TFF2: variants seen among roughly 807,000 people sequenced by gnomAD.
TFF2 encodes the protein trefoil factor 2.
In TFF2, 19 loss-of-function variants were observed where a neutral mutation model predicts 16.0. That is an observed-to-expected ratio of 1.19 (90% confidence interval 0.83 to 1.74). TFF2 has a LOEUF of 1.74. Among genes scored for constraint, TFF2 ranks in the 40% most tolerant of loss-of-function variants. The pLI, the probability that TFF2 is intolerant of heterozygous loss-of-function variation, is 0.00. For synonymous variants in TFF2, 61 were observed against 65.4 expected, an observed-to-expected ratio of 0.93 and a Z score of 0.32; for missense variants, 168 against 166.8, an observed-to-expected ratio of 1.01 and a Z score of -0.04.
chr21:42,348,286 C>T (rs1338982019), intron 2 of TFF2, among the ~76,000 whole-genome samples: 2 of 152,178 alleles, frequency 1.3e-5, no homozygotes, highest in African/African-American at 4.8e-5. Flanking sequence ...ACATAAAACT[C>T]ACTCCCAAAG....
rs755546511 is a variant in TFF2, at chr21:42,347,680, C to A, written c.230-48G>T. 1.9e-6 allele frequency: 3 copies of A among 1,598,284 alleles called. No individual in the cohort carries two copies. In the South Asian group the frequency reaches 3.3e-5, roughly 18 times the overall value. On this transcript the variant is annotated intron_variant, in intron 2 of 3. Coordinates refer to ENST00000291526, the MANE Select transcript of TFF2 (RefSeq NM_005423.5). The stretch of plus-strand genomic sequence containing the variant: ...CCGAGACCCAGTCAGGCCTGCTGTG[C>A]CCTGGAAAGCTCCACCCCTTCCTCC...
intron 2 of TFF2, among the ~76,000 whole-genome samples, chr21:42,348,444 T>C (rs1199920425): frequency 6.6e-6 from 1 of 152,028 alleles, no homozygotes; most frequent in Non-Finnish European, 1.5e-5. Flanking sequence ...TATATATATA[T>C]ATATTTTTTT....
At chr21:42,347,074 G>C (rs773315574) in intron 3 of TFF2, among the ~76,000 whole-genome samples, 4 of 152,220 alleles carry the variant, frequency 2.6e-5, no homozygotes, top group Non-Finnish European at 4.4e-5. Flanking sequence ...TCATGTGGGG[G>C]AGAACGGGGA....
chr21:42,349,012 C>T (rs879574552), intron 2 of TFF2, among the ~76,000 whole-genome samples: 49 of 151,568 alleles, frequency 3.2e-4, no homozygotes, highest in Non-Finnish European at 4.3e-4. Flanking sequence ...GGGCTAGCTC[C>T]AGACTAACAA....
chr21:42,349,899 G>T lies in TFF2; in HGVS notation c.211C>A (p.His71Asn). The change falls in exon 2 of 4, where the codon CAC (histidine) becomes AAC (asparagine). Residue 71 changes from histidine to asparagine, a missense_variant. His to Asn is a moderately conservative substitution (Grantham distance 68, BLOSUM62 1). Coordinates refer to ENST00000291526, the MANE Select transcript of TFF2 (RefSeq NM_005423.5). ...SSVTGVPWCF[H>N]PLPKQESDQC... is the part of the protein sequence containing the mutation. ...AGATTACCTTGCTTTGGGAGGGGGT[G>T]GAAACACCAGGGGACCCCAGTGACA... is the stretch of plus-strand genomic sequence containing the variant. The T allele has an allele frequency of 6.3e-7, 1 of 1,598,536 alleles. No homozygotes were observed. The highest frequency in any genetic ancestry group is 1.1e-5 in the South Asian group (1 of 88,236).
rs2052112603 is a variant in TFF2 at position 42,350,934 on chromosome 21, G to A, written c.24C>T (p.Leu8=). 1 of 1,613,928 alleles carries A rather than the reference G, an allele frequency of 6.2e-7. No individual in the cohort carries two copies. Among genetic ancestry groups the A allele is most frequent in the Non-Finnish European group, 8.5e-7 (1 of 1,179,934 alleles). Residue 8 remains leucine (L), a synonymous_variant, in exon 1 of 4, where the codon CTC becomes CTT. Transcript: ENST00000291526. Reference sequence around the variant, plus strand: ...GCCCCAGGACGAGGAGCGCTGCCAGGAGCTGGGCGTCTCGCCGTCCCATGT... The same window carrying A: ...GCCCCAGGACGAGGAGCGCTGCCAGAAGCTGGGCGTCTCGCCGTCCCATGT... MGRRDAQ[L]LAALLVLGLC... is the part of the protein sequence containing the mutation.
chr21:42,347,467 A>T lies in TFF2; in HGVS notation c.376+19T>A. ...CATGGTGTCCGGGAACCAGACAGAG[A>T]GTCCCACAGCGACGTTACCTTCCAC... is the stretch of plus-strand genomic sequence containing the variant. On this transcript the variant is annotated intron_variant, in intron 3 of 3. Coordinates refer to ENST00000291526, the MANE Select transcript of TFF2 (RefSeq NM_005423.5). The T allele has an allele frequency of 6.2e-7, 1 of 1,613,966 alleles. No homozygotes were observed. Among genetic ancestry groups the T allele is most frequent in the African/African-American group, 1.3e-5 (1 of 75,030 alleles).
Position 42,349,925 on chromosome 21 carries a change from C to A in TFF2, c.185G>T (p.Ser62Ile). Reference sequence around the variant, plus strand: ...GAAACACCAGGGGACCCCAGTGACACTGGAGTCGAAACAGCATCCATTGTC... The same window carrying A: ...GAAACACCAGGGGACCCCAGTGACAATGGAGTCGAAACAGCATCCATTGTC... ...CFDNGCCFDS[S>I]VTGVPWCFHP... is the part of the protein sequence containing the mutation. The change falls in exon 2 of 4, where the codon AGT becomes ATT. Residue 62 changes from serine (S) to isoleucine (I), a missense_variant. Physicochemically the swap from Ser to Ile is moderately radical, Grantham distance 142. Coordinates refer to ENST00000291526, the MANE Select transcript of TFF2 (RefSeq NM_005423.5). 6.2e-7 allele frequency: 1 copy of A among 1,601,102 alleles called. No individual in the cohort carries two copies.
chr21:42,350,836 A>C, intron 1 of TFF2, 43 bp downstream of exon 1: 1 of 1,531,030 alleles, frequency 6.5e-7, no homozygotes, highest in African/African-American at 1.4e-5. Context: ...TTTCTTTAAG[A>C]GAAATAAAGA....
In TFF2 at chr21:42,349,880, C is replaced by G. The variant is rs779730030; in HGVS notation, c.229+1G>C. 6.3e-7 allele frequency: 1 copy of G among 1,592,312 alleles called. No individual in the cohort carries two copies. Among genetic ancestry groups the G allele is most frequent in the Admixed American group, 1.8e-5 (1 of 57,128 alleles). Reference sequence around the variant, plus strand: ...CCCAGGAAGATTCCCTGGAAGATTACCTTGCTTTGGGAGGGGGTGGAAACA... The same window carrying G: ...CCCAGGAAGATTCCCTGGAAGATTAGCTTGCTTTGGGAGGGGGTGGAAACA... On this transcript the variant is annotated splice_donor_variant, in intron 2 of 3. Transcript: ENST00000291526. LOFTEE classifies it high-confidence loss of function.
chr21:42,347,273 G>A (rs2052075967), intron 3 of TFF2, among the ~76,000 whole-genome samples: 1 of 152,252 alleles, frequency 6.6e-6, no homozygotes, highest in South Asian at 2.1e-4. Context: ...AGATGACGCA[G>A]TGGCAATGCT....
chr21:42,346,428 A>T lies in TFF2; in HGVS notation c.*105T>A. 1 of 1,424,096 alleles carries T rather than the reference A, an allele frequency of 7.0e-7. No individual in the cohort carries two copies. Among genetic ancestry groups the T allele is most frequent in the Non-Finnish European group, 9.8e-7 (1 of 1,016,374 alleles). The allele number at this position is 1,424,096 out of a possible 1,614,324, so 88.2% of individuals were successfully genotyped here. On this transcript the variant is annotated 3_prime_UTR_variant, in exon 4 of 4. Coordinates refer to ENST00000291526, the MANE Select transcript of TFF2 (RefSeq NM_005423.5). ...CATTGAAAATGAGGAAAAGATGGTT[A>T]AGAAAACCCAGGATTTCATGAAGTA...
chr21:42,346,407 G>A lies in TFF2; in HGVS notation c.*126C>T. On this transcript the variant is annotated 3_prime_UTR_variant, in exon 4 of 4. Transcript: ENST00000291526. Reference sequence around the variant, plus strand: ...TAAAGAAATTATATGTTAAACCATTGAAAATGAGGAAAAGATGGTTAAGAA... The same window carrying A: ...TAAAGAAATTATATGTTAAACCATTAAAAATGAGGAAAAGATGGTTAAGAA... 1 of 1,244,496 alleles carries A rather than the reference G, an allele frequency of 8.0e-7. No individual in the cohort carries two copies. Among genetic ancestry groups the A allele is most frequent in the South Asian group, 1.3e-5 (1 of 78,326 alleles). The allele number at this position is 1,244,496 out of a possible 1,614,324, so 77.1% of individuals were successfully genotyped here.
chr21:42,349,275 C>G (rs1056773383), intron 2 of TFF2, among the ~76,000 whole-genome samples: 1 of 151,974 alleles, frequency 6.6e-6, no homozygotes, highest in Non-Finnish European at 1.5e-5. Flanking sequence ...TCCAGACTAA[C>G]CAACCTAGGC....
In TFF2 at chr21:42,349,939, G is replaced by A; in HGVS notation, c.171C>T (p.Cys57=). The part of the protein sequence containing the change: ...ITSDQCFDNG[C]CFDSSVTGVP... ...CCCCAGTGACACTGGAGTCGAAACA[G>A]CATCCATTGTCAAAACACTGGTCAC... Residue 57 remains cysteine, a synonymous_variant, in exon 2 of 4, where the codon TGC becomes TGT. Coordinates refer to ENST00000291526, the MANE Select transcript of TFF2 (RefSeq NM_005423.5). 3 of 1,600,414 alleles carry A rather than the reference G, an allele frequency of 1.9e-6. No individual in the cohort carries two copies. Among genetic ancestry groups the A allele is most frequent in the Non-Finnish European group, 2.6e-6 (3 of 1,173,366 alleles).
intron 2 of TFF2, among the ~76,000 whole-genome samples, chr21:42,347,895 G>C (rs1330031035): frequency 6.6e-6 from 1 of 152,202 alleles, no homozygotes; most frequent in Non-Finnish European, 1.5e-5. Flanking sequence ...GGGCCCATGT[G>C]GGGTGGTCAC....
At chr21:42,346,582 C>A in intron 3 of TFF2, 36 bp from the exon 4 acceptor site, 3 of 1,585,148 alleles carry the variant, frequency 1.9e-6, no homozygotes, top group African/African-American at 1.4e-5. Context: ...GGTAAGGGAA[C>A]CCCAGAAATG....
At chr21:42,346,925 T>C (rs1568858635) in intron 3 of TFF2, among the ~76,000 whole-genome samples, 1 of 152,210 alleles carries the variant, frequency 6.6e-6, no homozygotes, top group African/African-American at 2.4e-5. Context: ...GCTTGGTCTT[T>C]TTTTACCTCG....
In TFF2 at chr21:42,346,922, C is replaced by CT. The variant is rs542805494; in HGVS notation, c.377-377dup. ...CCCCATTTTCCTGGATCTGCTTGGT[C>CT]TTTTTTTACCTCGCCACACTCCGAG... On this transcript the variant is annotated intron_variant, in intron 3 of 3. Coordinates refer to ENST00000291526, the MANE Select transcript of TFF2 (RefSeq NM_005423.5). Among the ~76,000 whole-genome samples the CT allele has an allele frequency of 2.8e-3, 425 of 152,322 alleles. 2 individuals are homozygous for CT. Among genetic ancestry groups the CT allele is most frequent in the African/African-American group, 9.7e-3 (402 of 41,566 alleles).
Sources: allele counts gnomAD v4.1 joint callset (sites outside exome capture counted in the v4.1 genomes callset), GRCh38; gene constraint gnomAD v4.1.1; transcripts MANE v1.5; gene names NCBI Gene and HGNC (gene_info 2026-07-23, HGNC 2026-07-21).